The following COL4A5 variants were observed in gnomAD, a reference collection of about 807,000 sequenced individuals.
COL4A5 encodes the protein collagen alpha-5(IV) chain.
COL4A5 carries 26 observed loss-of-function variants against 130.2 expected under a neutral mutation model. The ratio of observed to expected loss-of-function variants is 0.20; its 90% CI spans 0.15 to 0.28. COL4A5 has a LOEUF of 0.28. Ranked by LOEUF, COL4A5 falls within the 10% of genes least tolerant of loss-of-function variation. COL4A5 has a pLI of 1.00. For synonymous variants in COL4A5, 496 were observed against 439.6 expected (o/e 1.13, Z -1.60); for missense variants, 1,131 against 1,344.3 (o/e 0.84, Z 2.48).
At chrX:108,627,024 T>C (rs1394978235) in intron 36 of COL4A5, 1 of 718,017 alleles carries the variant, frequency 1.4e-6, no homozygotes, top group Non-Finnish European at 1.6e-6. Flanking sequence ...TTCCCAGTGA[T>C]ATAAGAATTT....
At chrX:108,521,543 A>G (rs2065265265) in intron 1 of COL4A5, among the ~76,000 whole-genome samples, 1 of 111,271 alleles carries the variant, frequency 9.0e-6, no homozygotes, top group Non-Finnish European at 1.9e-5. Flanking sequence ...TCTATAACCT[A>G]TTGCACTGCA....
At chrX:108,578,823 G>T (rs1326432229) in intron 13 of COL4A5, among the ~76,000 whole-genome samples, 2 of 109,092 alleles carry the variant, frequency 1.8e-5, no homozygotes, top group African/African-American at 6.7e-5. Context: ...GGGATTACAG[G>T]TGCCCACCAC....
At chrX:108,617,779 T>TTATA (rs1417756927) in intron 30 of COL4A5, among the ~76,000 whole-genome samples, 1 of 111,845 alleles carries the variant, frequency 8.9e-6, no homozygotes, top group Non-Finnish European at 1.9e-5. Flanking sequence ...ACCAAACGTG[T>TTATA]TATAGTGTGT....
chrX:108,680,391 C>T (rs1217066560), intron 44 of COL4A5, among the ~76,000 whole-genome samples: 3 of 111,344 alleles, frequency 2.7e-5, no homozygotes, highest in African/African-American at 9.8e-5. Context: ...TGTCTGTCAG[C>T]CAGGGGTATA....
intron 1 of COL4A5, among the ~76,000 whole-genome samples, chrX:108,450,867 T>C (rs1046162849): frequency 9.1e-6 from 1 of 110,362 alleles, no homozygotes; most frequent in Non-Finnish European, 1.9e-5. Flanking sequence ...ATTATTATTA[T>C]ACTTTAAGTT....
intron 2 of COL4A5, among the ~76,000 whole-genome samples, chrX:108,549,577 G>A (rs943683499): frequency 9.0e-6 from 1 of 111,177 alleles, no homozygotes; most frequent in Non-Finnish European, 1.9e-5. Context: ...TTTTGGAATG[G>A]GGTTAAAGCA....
chrX:108,618,027 C>T (rs771552627), intron 30 of COL4A5, among the ~76,000 whole-genome samples: 2 of 111,719 alleles, frequency 1.8e-5, no homozygotes, highest in African/African-American at 6.5e-5. Flanking sequence ...AAAGTTCTCA[C>T]GAATAATACA....
At chrX:108,507,834 A>T (rs2065141778) in intron 1 of COL4A5, among the ~76,000 whole-genome samples, 1 of 111,349 alleles carries the variant, frequency 9.0e-6, no homozygotes, top group Admixed American at 9.5e-5. Context: ...CAAAAACTCA[A>T]CATTCCTTCA....
chrX:108,546,841 C>T (rs1212273309), intron 2 of COL4A5, among the ~76,000 whole-genome samples: 2 of 111,706 alleles, frequency 1.8e-5, no homozygotes, highest in Non-Finnish European at 3.8e-5. Flanking sequence ...CTTCTCTTCT[C>T]ACTTCATTTC....
In COL4A5 at chrX:108,671,986, T is replaced by C. The variant is rs979007721; in HGVS notation, c.3799+1750T>C. 7.2e-5 allele frequency among the ~76,000 whole-genome samples: 8 copies of C among 111,574 alleles called. No individual in the cohort carries two copies. In the Admixed American group the frequency reaches 7.6e-4, roughly 11 times the overall value. Reference sequence around the variant, plus strand: ...AAGAAACTTGCTCAGGGTAATACTGTTAGTTAGTGGCATAACTGGGACTCT... The same window carrying C: ...AAGAAACTTGCTCAGGGTAATACTGCTAGTTAGTGGCATAACTGGGACTCT... On this transcript the variant is annotated intron_variant, in intron 42 of 52. Coordinates refer to ENST00000328300, the MANE Select transcript of COL4A5 (RefSeq NM_033380.3).
intron 1 of COL4A5, among the ~76,000 whole-genome samples, chrX:108,533,177 T>C (rs757743869): frequency 7.3e-4 from 81 of 111,205 alleles, no homozygotes; most frequent in African/African-American, 2.5e-3. Flanking sequence ...TATATTGTTA[T>C]GAAAATATAG....
rs981472366 is a variant in COL4A5, at chrX:108,478,421, C to T, written c.81+38215C>T. Among the ~76,000 whole-genome samples, 5 of 111,561 alleles carry T rather than the reference C, an allele frequency of 4.5e-5. No individual in the cohort carries two copies. In the Admixed American group the frequency reaches 4.7e-4, roughly 11 times the overall value. ...CTAGGGGTGATGGTGAGTGCTGCCA[C>T]TTCCACTTCCACCCCTTGATTCCTG... On this transcript the variant is annotated intron_variant, in intron 1 of 52. Coordinates refer to ENST00000328300, the MANE Select transcript of COL4A5 (RefSeq NM_033380.3).
intron 30 of COL4A5, among the ~76,000 whole-genome samples, chrX:108,617,988 G>C (rs923175031): frequency 3.6e-5 from 4 of 111,862 alleles, no homozygotes; most frequent in Non-Finnish European, 7.5e-5. Context: ...CCTTGGGTAG[G>C]GGGAGGGTGT....
At chrX:108,544,392 T>C (rs1350176522) in intron 2 of COL4A5, among the ~76,000 whole-genome samples, 2 of 112,471 alleles carry the variant, frequency 1.8e-5, no homozygotes, top group African/African-American at 6.5e-5. Context: ...TTTGGTTCTG[T>C]TTATATGCTG....
At chrX:108,565,413 T>TG (rs2065952787) in intron 4 of COL4A5, among the ~76,000 whole-genome samples, 1 of 112,347 alleles carries the variant, frequency 8.9e-6, no homozygotes, top group Non-Finnish European at 1.9e-5. Context: ...CTTTATTTTT[T>TG]GAAGTATTTT....
rs949588589 is a variant in COL4A5 at position 108,654,369 on chromosome X, C to A, written c.3247-962C>A. ...ACTGCATATATGAAGCCATTGTAGA[C>A]ATGACAGAGTAAGAACCTACCCTAA... is the stretch of plus-strand genomic sequence containing the variant. On this transcript the variant is annotated intron_variant, in intron 36 of 52. Transcript: ENST00000328300. Among the ~76,000 whole-genome samples the A allele has an allele frequency of 4.4e-5, 5 of 112,906 alleles. No homozygotes were observed. The South Asian group carries it at 1.1e-3, about 24-fold the overall frequency.
In COL4A5 at chrX:108,523,857, T is replaced by C. The variant is rs990384735; in HGVS notation, c.82-15889T>C. Among the ~76,000 whole-genome samples, 16 of 111,950 alleles carry C rather than the reference T, an allele frequency of 1.4e-4. No individual in the cohort carries two copies. In the East Asian group the frequency reaches 4.5e-3, roughly 31 times the overall value. On this transcript the variant is annotated intron_variant, in intron 1 of 52. Transcript: ENST00000328300. ...GAATTTTATCATTTTCATGCAGTTG[T>C]AAATGGATTTTTTCACTTAACTTTA...
At chrX:108,584,641 A>G in intron 18 of COL4A5, 116 bp downstream of exon 18, 1 of 620,288 alleles carries the variant, frequency 1.6e-6, no homozygotes, top group Non-Finnish European at 2.5e-6. Flanking sequence ...TCAAGTCATT[A>G]TCAATTTCTA....
At chrX:108,674,827 A>G in intron 43 of COL4A5, 74 bp downstream of exon 43, 3 of 1,040,338 alleles carry the variant, frequency 2.9e-6, no homozygotes, top group Non-Finnish European at 3.9e-6. Flanking sequence ...GAGAAATGCA[A>G]TTTTTTGCTA....
Sources: gnomAD v4.1 joint callset for allele counts (sites outside exome capture counted in the v4.1 genomes callset) on GRCh38, gnomAD v4.1.1 for gene constraint, MANE v1.5 for transcripts, NCBI Gene and HGNC (gene_info 2026-07-23, HGNC 2026-07-21) for gene names.